PIP5K1B: variants seen among roughly 807,000 people sequenced by gnomAD.
PIP5K1B encodes phosphatidylinositol-4-phosphate 5-kinase type 1 beta.
In PIP5K1B, 42 loss-of-function variants were observed where a neutral mutation model predicts 67.0. That is an observed-to-expected ratio of 0.63 (90% CI 0.49 to 0.81). The LOEUF (loss-of-function observed/expected upper bound fraction) is 0.81. Ranked by LOEUF, PIP5K1B falls within the 30% of genes least tolerant of loss-of-function variation. PIP5K1B has a pLI of 0.00. For synonymous variants in PIP5K1B, 214 were observed against 231.4 expected (o/e 0.92, Z 0.68); for missense variants, 459 against 646.3 (o/e 0.71, Z 3.14).
At chr9:68,836,667 C>T (rs908704575) in intron 4 of PIP5K1B, among the ~76,000 whole-genome samples, 1 of 151,752 alleles carries the variant, frequency 6.6e-6, no homozygotes, top group Non-Finnish European at 1.5e-5. Flanking sequence ...TTTAAGTGTG[C>T]ATTTTTTTTG....
At chr9:68,925,587 G>T (rs1473625127) in intron 12 of PIP5K1B, among the ~76,000 whole-genome samples, 1 of 151,808 alleles carries the variant, frequency 6.6e-6, no homozygotes, top group African/African-American at 2.4e-5. Flanking sequence ...TCAATTCCAT[G>T]TATTAAAGAT....
At chr9:68,780,424 AG>A in intron 2 of PIP5K1B, 1 of 1,614,100 alleles carries the variant, frequency 6.2e-7, no homozygotes, top group Non-Finnish European at 8.5e-7. Flanking sequence ...CGCTTGCACC[AG>A]ATCAAACAAG....
At chr9:68,913,423 A>G (rs1470991205) in intron 8 of PIP5K1B, among the ~76,000 whole-genome samples, 2 of 152,240 alleles carry the variant, frequency 1.3e-5, no homozygotes, top group Non-Finnish European at 2.9e-5. Flanking sequence ...TAAAGCTCAC[A>G]CATGTTAAGT....
At chr9:68,970,917 C>T (rs1454530111) in intron 14 of PIP5K1B, among the ~76,000 whole-genome samples, 1 of 152,182 alleles carries the variant, frequency 6.6e-6, no homozygotes, top group African/African-American at 2.4e-5. Flanking sequence ...ATGCCAGAGC[C>T]CACATCTTCT....
chr9:68,759,374 C>G (rs554077914), intron 2 of PIP5K1B, among the ~76,000 whole-genome samples: 1 of 152,028 alleles, frequency 6.6e-6, no homozygotes. Context: ...GTAAGATACT[C>G]TTAAGTAGAC....
In PIP5K1B at chr9:68,705,297, C is replaced by G. The variant is rs1326401555; in HGVS notation, c.-708C>G. 6.6e-6 allele frequency: 1 copy of G among 151,494 alleles called. No homozygotes were observed. Among genetic ancestry groups the G allele is most frequent in the African/African-American group, 2.4e-5 (1 of 41,372 alleles). The allele number at this position is 151,494 out of a possible 1,614,324, so 9.4% of individuals were successfully genotyped here. ...CCAAGCGGGAACCCGCGCCCGAGCCCGGCGGGCGCCGCTGCTGCTCCTCTC... is the reference window on the plus strand; with the variant it reads ...CCAAGCGGGAACCCGCGCCCGAGCCGGGCGGGCGCCGCTGCTGCTCCTCTC... On this transcript the variant is annotated 5_prime_UTR_variant, in exon 1 of 16. Coordinates refer to ENST00000265382, the MANE Select transcript of PIP5K1B (RefSeq NM_003558.4).
intron 14 of PIP5K1B, among the ~76,000 whole-genome samples, chr9:68,948,144 C>T (rs1827890519): frequency 6.6e-6 from 1 of 152,190 alleles, no homozygotes; most frequent in African/African-American, 2.4e-5. Flanking sequence ...ATTTAGTCAC[C>T]TTTTCCCAAG....
chr9:68,742,820 G>T (rs1419253185), intron 2 of PIP5K1B, among the ~76,000 whole-genome samples, 163 bp downstream of exon 2: 1 of 152,120 alleles, frequency 6.6e-6, no homozygotes, highest in Non-Finnish European at 1.5e-5. Flanking sequence ...AGAAAGAGGT[G>T]CCCCAGGAAA....
chr9:68,856,474 C>T (rs960045044), intron 4 of PIP5K1B, among the ~76,000 whole-genome samples: 1 of 152,190 alleles, frequency 6.6e-6, no homozygotes, highest in African/African-American at 2.4e-5. Flanking sequence ...CAGATCATTC[C>T]TCAGAGAGAC....
chr9:68,735,655 G>C (rs1224954751), intron 1 of PIP5K1B, among the ~76,000 whole-genome samples: 1 of 152,198 alleles, frequency 6.6e-6, no homozygotes, highest in African/African-American at 2.4e-5. Flanking sequence ...CTCCCAAAGT[G>C]CTGGGATTAC....
chr9:68,732,973 G>T (rs1457288176), intron 1 of PIP5K1B, among the ~76,000 whole-genome samples: 4 of 152,114 alleles, frequency 2.6e-5, no homozygotes, highest in Non-Finnish European at 5.9e-5. Context: ...CGATGATGTG[G>T]TTGGAACCTG....
intron 15 of PIP5K1B, among the ~76,000 whole-genome samples, chr9:68,995,226 G>GGAGGAAGAAAGA (rs1830551386): frequency 1.0e-5 from 1 of 99,572 alleles, no homozygotes; most frequent in Non-Finnish European, 2.2e-5. Context: ...GGAGGGGAGG[G>GGAGGAAGAAAGA]GAGAAAGAAA....
At chr9:68,784,717 A>G (rs1201547675) in intron 2 of PIP5K1B, 1 of 158,074 alleles carries the variant, frequency 6.3e-6, no homozygotes, top group African/African-American at 2.4e-5. Flanking sequence ...CAATTGAACC[A>G]AGAAGATGAT....
rs554483638 is a variant in PIP5K1B, at chr9:69,005,522, A to C, written c.1621-2925A>C. On this transcript the variant is annotated intron_variant, in intron 15 of 15. Transcript: ENST00000265382. ...CCTCCAAGTAGCTGGGATTACAGGCATGCGCCACCACACGCGGCTAATTTT... is the reference window on the plus strand; with the variant it reads ...CCTCCAAGTAGCTGGGATTACAGGCCTGCGCCACCACACGCGGCTAATTTT... 3.5e-4 allele frequency among the ~76,000 whole-genome samples: 54 copies of C among 152,276 alleles called. 1 individual carries two copies. The highest frequency in any genetic ancestry group is 1.3e-3 in the African/African-American group (53 of 41,554).
chr9:68,767,091 C>G (rs1201649172), intron 2 of PIP5K1B, among the ~76,000 whole-genome samples: 1 of 152,082 alleles, frequency 6.6e-6, no homozygotes, highest in Non-Finnish European at 1.5e-5. Flanking sequence ...CTAGAATGCC[C>G]CATGTAAACC....
intron 1 of PIP5K1B, among the ~76,000 whole-genome samples, chr9:68,706,909 C>T (rs999204105): frequency 6.6e-6 from 1 of 151,882 alleles, no homozygotes; most frequent in African/African-American, 2.4e-5. Context: ...TGGAGAAAGG[C>T]GAAAGGATTG....
chr9:68,901,481 A>G (rs1158165062), intron 8 of PIP5K1B, among the ~76,000 whole-genome samples: 1 of 152,000 alleles, frequency 6.6e-6, no homozygotes, highest in Non-Finnish European at 1.5e-5. Flanking sequence ...CTGGTCTCGA[A>G]CTCCTGATCT....
chr9:68,756,589 C>T (rs1221314467), intron 2 of PIP5K1B, among the ~76,000 whole-genome samples: 4 of 147,834 alleles, frequency 2.7e-5, no homozygotes. Flanking sequence ...TATCTTTCAC[C>T]TTGTTTGAGG....
At chr9:68,952,854 CCTTT>C (rs897279092) in intron 14 of PIP5K1B, among the ~76,000 whole-genome samples, 3 of 150,332 alleles carry the variant, frequency 2.0e-5, no homozygotes, top group African/African-American at 7.4e-5. Flanking sequence ...TTTCTTCCTT[CCTTT>C]CTTTCTTTCT....
Sources: allele counts gnomAD v4.1 joint callset (sites outside exome capture counted in the v4.1 genomes callset), GRCh38; gene constraint gnomAD v4.1.1; transcripts MANE v1.5; gene names NCBI Gene and HGNC (gene_info 2026-07-23, HGNC 2026-07-21).